The following TAS2R1 variants were observed in gnomAD, a reference collection of about 807,000 sequenced individuals.
TAS2R1 encodes the protein taste 2 receptor member 1.
For synonymous variants in TAS2R1, 141 were observed against 134.2 expected (o/e 1.05, Z -0.35); for missense variants, 370 against 353.4 (o/e 1.05, Z -0.38).
chr5:9,663,851 A>G (rs1740582055), intron 1 of TAS2R1, among the ~76,000 whole-genome samples: 1 of 152,190 alleles, frequency 6.6e-6, no homozygotes, highest in South Asian at 2.1e-4. Context: ...AGAGACACAG[A>G]GAAGAGGGGA....
the TAS2R1 span, among the ~76,000 whole-genome samples, chr5:9,831,931 C>T: frequency 6.6e-6 from 1 of 152,160 alleles, no homozygotes; most frequent in Admixed American, 6.5e-5. Context: ...AGAGATATTT[C>T]AGTTTAACTC....
At chr5:9,868,283 C>T in the TAS2R1 span, among the ~76,000 whole-genome samples, 1 of 152,236 alleles carries the variant, frequency 6.6e-6, no homozygotes, top group Non-Finnish European at 1.5e-5. Context: ...GGCCCTGCCC[C>T]TGAAGCAAAC....
the TAS2R1 span, among the ~76,000 whole-genome samples, chr5:9,816,903 G>A: frequency 6.6e-6 from 1 of 152,124 alleles, no homozygotes; most frequent in African/African-American, 2.4e-5. Flanking sequence ...GATGACAACA[G>A]TGGTTAACTT....
upstream of TAS2R1, chr5:9,713,276 A>G (rs1734735234): frequency 6.6e-6 from 1 of 152,214 alleles, no homozygotes; most frequent in Admixed American, 6.5e-5. Flanking sequence ...ACTGAGGAGG[A>G]CAAACATAAT....
chr5:9,873,308 T>G, the TAS2R1 span, among the ~76,000 whole-genome samples: 2 of 151,850 alleles, frequency 1.3e-5, no homozygotes, highest in African/African-American at 4.8e-5. Flanking sequence ...AGGCTCCCTG[T>G]AGAGTTCATG....
intron 1 of TAS2R1, among the ~76,000 whole-genome samples, chr5:9,693,950 A>G (rs540790420): frequency 6.6e-6 from 1 of 152,340 alleles, no homozygotes; most frequent in South Asian, 2.1e-4. Context: ...TTATAACGCA[A>G]TAACCCTCAC....
chr5:9,761,477 TAATAA>T, the TAS2R1 span, among the ~76,000 whole-genome samples: 29 of 151,338 alleles, frequency 1.9e-4, no homozygotes, highest in African/African-American at 6.5e-4. Context: ...TTTACACAAA[TAATAA>T]AATAAAAGAC....
At chr5:9,763,849 T>G in the TAS2R1 span, among the ~76,000 whole-genome samples, 7 of 152,218 alleles carry the variant, frequency 4.6e-5, no homozygotes, top group African/African-American at 1.4e-4. Context: ...TCAAATGAAT[T>G]GCTGTGTGCT....
At chr5:9,860,923 A>G in the TAS2R1 span, among the ~76,000 whole-genome samples, 1 of 152,070 alleles carries the variant, frequency 6.6e-6, no homozygotes, top group East Asian at 1.9e-4. Flanking sequence ...GCAGCCCCTC[A>G]AGAAATATGT....
upstream of TAS2R1, among the ~76,000 whole-genome samples, chr5:9,715,340 G>A (rs757871270): frequency 1.3e-5 from 2 of 152,190 alleles, no homozygotes; most frequent in Non-Finnish European, 2.9e-5. Flanking sequence ...ACAGCAGGTG[G>A]TTGAACCTCA....
chr5:9,802,351 G>A, the TAS2R1 span, among the ~76,000 whole-genome samples: 1 of 152,106 alleles, frequency 6.6e-6, no homozygotes, highest in Non-Finnish European at 1.5e-5. Context: ...TCAGCTCCCA[G>A]GAAGTCCCAA....
chr5:9,691,601 G>C (rs1469128016), intron 1 of TAS2R1, among the ~76,000 whole-genome samples: 2 of 152,254 alleles, frequency 1.3e-5, no homozygotes, highest in Non-Finnish European at 2.9e-5. Flanking sequence ...ATTATAAAAA[G>C]GGGATTGAGA....
intron 1 of TAS2R1, among the ~76,000 whole-genome samples, chr5:9,667,156 A>C (rs1371119206): frequency 6.6e-6 from 1 of 152,204 alleles, no homozygotes; most frequent in East Asian, 1.9e-4. Context: ...AACACATTTA[A>C]ACTAGACATA....
chr5:9,769,470 T>C, the TAS2R1 span, among the ~76,000 whole-genome samples: 1 of 152,204 alleles, frequency 6.6e-6, no homozygotes, highest in Admixed American at 6.5e-5. Flanking sequence ...CTATTTATAG[T>C]CTAGTGAAGA....
chr5:9,788,878 G>A, the TAS2R1 span, among the ~76,000 whole-genome samples: 1 of 151,970 alleles, frequency 6.6e-6, no homozygotes, highest in Non-Finnish European at 1.5e-5. Context: ...ATAAAATTAA[G>A]TGAAAAACAA....
chr5:9,681,670 G>A (rs942058804), intron 1 of TAS2R1, among the ~76,000 whole-genome samples: 2 of 151,786 alleles, frequency 1.3e-5, no homozygotes, highest in Admixed American at 6.6e-5. Context: ...TCCCTCCTTA[G>A]ACAAGTCTTC....
the TAS2R1 span, among the ~76,000 whole-genome samples, chr5:9,735,307 G>A: frequency 6.6e-6 from 1 of 151,318 alleles, no homozygotes; most frequent in African/African-American, 2.5e-5. Flanking sequence ...CTACATCTGA[G>A]CCAAAATAAT....
the TAS2R1 span, among the ~76,000 whole-genome samples, chr5:9,777,702 A>C: frequency 6.6e-6 from 1 of 152,212 alleles, no homozygotes; most frequent in African/African-American, 2.4e-5. Context: ...CATCACAGTA[A>C]TCACTATCTA....
At chr5:9,664,653 G>A (rs1401125138) in intron 1 of TAS2R1, among the ~76,000 whole-genome samples, 1 of 152,158 alleles carries the variant, frequency 6.6e-6, no homozygotes, top group African/African-American at 2.4e-5. Context: ...GATAAACCGT[G>A]GGATTCTCTC....
Sources: allele counts gnomAD v4.1 joint callset (sites outside exome capture counted in the v4.1 genomes callset), GRCh38; gene constraint gnomAD v4.1.1; transcripts MANE v1.5; gene names NCBI Gene and HGNC (gene_info 2026-07-23, HGNC 2026-07-21).